The following ITGA9 variants were observed in gnomAD, a reference collection of about 807,000 sequenced individuals.
ITGA9 encodes the protein integrin subunit alpha 9.
A neutral mutation model predicts 127.8 loss-of-function variants in ITGA9; 56 were observed. That is an observed-to-expected ratio of 0.44 (90% CI 0.35 to 0.55). ITGA9 has a LOEUF of 0.55. Ranked by LOEUF, ITGA9 falls within the 20% of genes least tolerant of loss-of-function variation. The pLI is 0.00. For missense variants in ITGA9, 1,196 were observed against 1,347.1 expected, an observed-to-expected ratio of 0.89 and a Z score of 1.76; for synonymous variants, 508 against 514.5, an observed-to-expected ratio of 0.99 and a Z score of 0.17.
intron 23 of ITGA9, among the ~76,000 whole-genome samples, chr3:37,756,934 GAAATC>G (rs1012836667): frequency 6.7e-6 from 1 of 149,130 alleles, no homozygotes; most frequent in Non-Finnish European, 1.5e-5. Flanking sequence ...AGAAAAAAAA[GAAATC>G]AAAGTTGAAG....
intron 16 of ITGA9, among the ~76,000 whole-genome samples, chr3:37,648,194 CT>C (rs1461668705): frequency 6.6e-6 from 1 of 152,048 alleles, no homozygotes; most frequent in Non-Finnish European, 1.5e-5. Flanking sequence ...CTTTTTATCT[CT>C]TGTCGTTTTT....
At chr3:37,698,452 G>A (rs1478734494) in intron 18 of ITGA9, among the ~76,000 whole-genome samples, 1 of 152,140 alleles carries the variant, frequency 6.6e-6, no homozygotes, top group Admixed American at 6.5e-5. Context: ...TTTTCTTCTA[G>A]GGTTTTTATG....
intron 15 of ITGA9, among the ~76,000 whole-genome samples, chr3:37,626,820 C>A (rs1471969781): frequency 2.6e-5 from 4 of 152,188 alleles, no homozygotes; most frequent in Non-Finnish European, 4.4e-5. Flanking sequence ...GTTTCCCTAC[C>A]CCCATCTTCA....
chr3:37,556,045 C>T (rs1416006326), intron 15 of ITGA9, among the ~76,000 whole-genome samples: 2 of 152,236 alleles, frequency 1.3e-5, no homozygotes, highest in African/African-American at 2.4e-5. Flanking sequence ...TCCTGATGCT[C>T]TTGCTAGTGC....
At chr3:37,592,371 CT>C (rs1327753428) in intron 15 of ITGA9, among the ~76,000 whole-genome samples, 1 of 152,164 alleles carries the variant, frequency 6.6e-6, no homozygotes, top group Non-Finnish European at 1.5e-5. Context: ...CTTTCCATTG[CT>C]GCTGCTGCAA....
At chr3:37,541,041 G>T (rs1699260503) in intron 14 of ITGA9, among the ~76,000 whole-genome samples, 1 of 152,246 alleles carries the variant, frequency 6.6e-6, no homozygotes, top group South Asian at 2.1e-4. Context: ...ACGCCCTGTG[G>T]CAGGTGCAGA....
intron 15 of ITGA9, among the ~76,000 whole-genome samples, chr3:37,622,331 C>T (rs982912038): frequency 5.3e-5 from 8 of 151,882 alleles, no homozygotes; most frequent in Non-Finnish European, 1.0e-4. Context: ...CCTCATGATC[C>T]ACCTGCCTCG....
chr3:37,524,813 G>A (rs1308494834), intron 12 of ITGA9, among the ~76,000 whole-genome samples: 1 of 152,228 alleles, frequency 6.6e-6, no homozygotes, highest in African/African-American at 2.4e-5. Context: ...TAAATGTGAG[G>A]TGAGCAAGGT....
In ITGA9 at chr3:37,743,957, G is replaced by A. The variant is rs749882984; in HGVS notation, c.2356G>A (p.Glu786Lys). The change falls in exon 22 of 28, where the codon GAG (glutamate) becomes AAG (lysine). Residue 786 changes from glutamate (E) to lysine (K), a missense_variant. Glu to Lys is a moderately conservative substitution (Grantham distance 56). Transcript: ENST00000264741. Reference protein sequence around the residue: ...IMSPTSFVYGESVDAANFIQL... With the variant: ...IMSPTSFVYGKSVDAANFIQL... Reference sequence around the variant, plus strand: ...GTCTCCAACCTCCTTTGTATATGGCGAGTCCGTGGACGCAGCCAACTTCAT... The same window carrying A: ...GTCTCCAACCTCCTTTGTATATGGCAAGTCCGTGGACGCAGCCAACTTCAT... The A allele has an allele frequency of 6.2e-6, 10 of 1,613,786 alleles. No individual in the cohort carries two copies. The highest frequency in any genetic ancestry group is 3.3e-5 in the South Asian group (3 of 91,080).
At chr3:37,776,327 CATAAA>C (rs1238785256) in intron 23 of ITGA9, among the ~76,000 whole-genome samples, 3 of 151,918 alleles carry the variant, frequency 2.0e-5, no homozygotes, top group Non-Finnish European at 2.9e-5. Context: ...TACTCCCAAA[CATAAA>C]ATAAAAGTTA....
At chr3:37,709,761 G>T (rs1405929959) in intron 18 of ITGA9, among the ~76,000 whole-genome samples, 1 of 152,244 alleles carries the variant, frequency 6.6e-6, no homozygotes, top group Admixed American at 6.5e-5. Context: ...AGAAGCTTAT[G>T]TGGAAGGAAA....
intron 15 of ITGA9, among the ~76,000 whole-genome samples, chr3:37,617,153 G>T (rs1372394071): frequency 6.6e-6 from 1 of 152,182 alleles, no homozygotes; most frequent in Non-Finnish European, 1.5e-5. Context: ...TTTAGGGCAG[G>T]CCTGGTGGTG....
At chr3:37,751,085 G>A (rs1696580272) in intron 23 of ITGA9, among the ~76,000 whole-genome samples, 1 of 152,382 alleles carries the variant, frequency 6.6e-6, no homozygotes, top group East Asian at 1.9e-4. Context: ...AGCCCACAGG[G>A]TGGAGGTTCA....
At chr3:37,667,193 C>A (rs1227132779) in intron 17 of ITGA9, among the ~76,000 whole-genome samples, 2 of 152,126 alleles carry the variant, frequency 1.3e-5, no homozygotes, top group African/African-American at 4.8e-5. Flanking sequence ...ATCATATCAC[C>A]TTTTGACATG....
At chr3:37,589,923 G>T (rs1892806) in intron 15 of ITGA9, among the ~76,000 whole-genome samples, 6 of 151,852 alleles carry the variant, frequency 4.0e-5, no homozygotes, top group Non-Finnish European at 8.8e-5. Flanking sequence ...CCTTGGGCCC[G>T]CAGGCTGCCT....
intron 16 of ITGA9, among the ~76,000 whole-genome samples, chr3:37,645,350 C>T (rs1030186939): frequency 1.3e-5 from 2 of 152,186 alleles, no homozygotes; most frequent in African/African-American, 4.8e-5. Context: ...GGGCAGATCA[C>T]TTGAGATCAG....
At chr3:37,768,937 A>G (rs1696810484) in intron 23 of ITGA9, among the ~76,000 whole-genome samples, 1 of 152,184 alleles carries the variant, frequency 6.6e-6, no homozygotes, top group South Asian at 2.1e-4. Flanking sequence ...GCATCAAGCC[A>G]TGGACACTTT....
rs556362310 is a variant in ITGA9, at chr3:37,602,376, T to C, written c.1690-26811T>C. Among the ~76,000 whole-genome samples the C allele has an allele frequency of 3.4e-3, 513 of 152,240 alleles. 2 individuals carry two copies. The highest frequency in any genetic ancestry group is 0.012 in the African/African-American group (494 of 41,548). On this transcript the variant is annotated intron_variant, in intron 15 of 27. Coordinates refer to ENST00000264741, the MANE Select transcript of ITGA9 (RefSeq NM_002207.3). Reference sequence around the variant, plus strand: ...GTAACTGTTTTATGAATAGGAGATATAAAACTGGGTGAAACAGTGAGGTTC... The same window carrying C: ...GTAACTGTTTTATGAATAGGAGATACAAAACTGGGTGAAACAGTGAGGTTC...
intron 2 of ITGA9, 45 bp from the exon 3 acceptor site, chr3:37,473,309 A>G (rs2212018): frequency 6.7e-7 from 1 of 1,493,704 alleles, no homozygotes; most frequent in Non-Finnish European, 9.3e-7. Flanking sequence ...AGCCAGCAGA[A>G]CATCACTCCT....
Sources: allele counts gnomAD v4.1 joint callset (sites outside exome capture counted in the v4.1 genomes callset), GRCh38; gene constraint gnomAD v4.1.1; transcripts MANE v1.5; gene names NCBI Gene and HGNC (gene_info 2026-07-23, HGNC 2026-07-21).